The following TTC17 variants were observed in gnomAD, a reference collection of about 807,000 sequenced individuals.
TTC17 encodes tetratricopeptide repeat domain 17.
TTC17 carries 58 observed loss-of-function variants against 143.8 expected under a neutral mutation model. That is an observed-to-expected ratio of 0.40 (90% CI 0.33 to 0.50). The LOEUF is 0.50. Ranked by LOEUF, TTC17 falls within the 20% of genes least tolerant of loss-of-function variation. TTC17 has a pLI of 0.49. For missense variants in TTC17, 1,273 were observed against 1,392.5 expected, an observed-to-expected ratio of 0.91 and a Z score of 1.37; for synonymous variants, 501 against 497.8, an observed-to-expected ratio of 1.01 and a Z score of -0.09.
At chr11:43,410,003 G>A (rs983812907) in intron 15 of TTC17, among the ~76,000 whole-genome samples, 11 of 151,734 alleles carry the variant, frequency 7.2e-5, no homozygotes, top group Admixed American at 6.6e-4. Flanking sequence ...CACCATGCCC[G>A]GCTAATTTTT....
chr11:43,470,662 C>G (rs1042317603), intron 21 of TTC17, among the ~76,000 whole-genome samples: 1 of 152,194 alleles, frequency 6.6e-6, no homozygotes, highest in Non-Finnish European at 1.5e-5. Context: ...GGCTCACGGA[C>G]GGACTTCCAC....
chr11:43,403,020 T>C (rs1055376846), intron 10 of TTC17, among the ~76,000 whole-genome samples: 1 of 152,158 alleles, frequency 6.6e-6, no homozygotes, highest in African/African-American at 2.4e-5. Context: ...AAAAGCTTCC[T>C]ATGAGTATTG....
chr11:43,366,293 T>G (rs994966478), intron 1 of TTC17, among the ~76,000 whole-genome samples: 24 of 152,186 alleles, frequency 1.6e-4, no homozygotes, highest in African/African-American at 5.5e-4. Flanking sequence ...TTTATTTAAT[T>G]AAAAATTTTG....
intron 21 of TTC17, among the ~76,000 whole-genome samples, chr11:43,474,914 G>A (rs751972697): frequency 1.6e-4 from 24 of 152,144 alleles, no homozygotes; most frequent in Admixed American, 2.6e-4. Flanking sequence ...TCATCTTGAA[G>A]GTCTTCATTC....
At chr11:43,417,092 T>C (rs1388769676) in intron 16 of TTC17, among the ~76,000 whole-genome samples, 2 of 152,210 alleles carry the variant, frequency 1.3e-5, no homozygotes, top group African/African-American at 2.4e-5. Flanking sequence ...TATTGTGTTT[T>C]TCTTTGACAA....
intron 16 of TTC17, among the ~76,000 whole-genome samples, chr11:43,420,127 G>T (rs971788747): frequency 4.6e-5 from 7 of 152,228 alleles, no homozygotes; most frequent in African/African-American, 1.7e-4. Context: ...ATAGGAAAAA[G>T]AATTTTTGTA....
chr11:43,453,451 G>A (rs1947703781), intron 21 of TTC17, among the ~76,000 whole-genome samples: 1 of 152,022 alleles, frequency 6.6e-6, no homozygotes. Flanking sequence ...AGACAATGGA[G>A]TAACATATTT....
chr11:43,425,816 T>C (rs1447818487), intron 16 of TTC17, among the ~76,000 whole-genome samples: 1 of 152,210 alleles, frequency 6.6e-6, no homozygotes, highest in East Asian at 1.9e-4. Flanking sequence ...ATCTCAAAGA[T>C]GCAGGAGAAA....
chr11:43,397,094 A>C (rs1376745189), intron 6 of TTC17: 1 of 479,956 alleles, frequency 2.1e-6, no homozygotes, highest in Non-Finnish European at 3.7e-6. Context: ...TCATAAACTA[A>C]GTTTAACTTT....
At chr11:43,388,865 A>G (rs986899999) in intron 2 of TTC17, among the ~76,000 whole-genome samples, 2 of 151,560 alleles carry the variant, frequency 1.3e-5, no homozygotes, top group Admixed American at 6.6e-5. Context: ...AGTCCCAGCT[A>G]TTTAGGGGGC....
At chr11:43,439,240 C>T (rs1484373916) in intron 16 of TTC17, among the ~76,000 whole-genome samples, 2 of 152,172 alleles carry the variant, frequency 1.3e-5, no homozygotes, top group Non-Finnish European at 2.9e-5. Flanking sequence ...ATATCAGCTA[C>T]TCTTCCTGCC....
At chr11:43,423,251 G>C (rs193266753) in intron 16 of TTC17, among the ~76,000 whole-genome samples, 3 of 152,260 alleles carry the variant, frequency 2.0e-5, no homozygotes, top group Admixed American at 2.0e-4. Flanking sequence ...TAACTAGAGA[G>C]GTTTCTAACT....
intron 1 of TTC17, among the ~76,000 whole-genome samples, chr11:43,362,149 TTGTGTGTGTGTGTGTG>T (rs3978779): frequency 0.045 from 6,219 of 138,132 alleles, 380 homozygotes; most frequent in Admixed American, 0.19. Context: ...CCCGGCTAAT[TTGTGTGTGTGTGTGTG>T]TGTGTGTGTG....
chr11:43,407,311 A>G, intron 14 of TTC17, 42 bp from the exon 15 acceptor site: 2 of 1,596,730 alleles, frequency 1.3e-6, no homozygotes, highest in Non-Finnish European at 1.7e-6. Flanking sequence ...TAGAACAAGT[A>G]CTGTATTCTT....
At chr11:43,389,138 CAAA>C (rs543812399) in intron 2 of TTC17, among the ~76,000 whole-genome samples, 2 of 109,084 alleles carry the variant, frequency 1.8e-5, no homozygotes. Context: ...GACACTGTCT[CAAA>C]AAAAAAAAAA....
chr11:43,370,780 TAAAG>T (rs1035934220), intron 1 of TTC17, among the ~76,000 whole-genome samples: 20 of 147,754 alleles, frequency 1.4e-4, no homozygotes, highest in African/African-American at 2.6e-4. Flanking sequence ...GTCAGATAGT[TAAAG>T]AGAGGGGGCA....
rs188572437 is a variant in TTC17, at chr11:43,479,793, T to C, written c.3031-10446T>C. On this transcript the variant is annotated intron_variant, in intron 21 of 23. Coordinates refer to ENST00000039989, the MANE Select transcript of TTC17 (RefSeq NM_018259.6). ...GTAGGGAACAGCTCCCACCTCTAGGTGTGGAAAAGGGCAGCAAGTGATTAG... is the reference window on the plus strand; with the variant it reads ...GTAGGGAACAGCTCCCACCTCTAGGCGTGGAAAAGGGCAGCAAGTGATTAG... Among the ~76,000 whole-genome samples the C allele has an allele frequency of 3.4e-3, 510 of 151,966 alleles. 7 individuals carry two copies. Among genetic ancestry groups the C allele is most frequent in the African/African-American group, 0.012 (485 of 41,430 alleles).
At chr11:43,392,171 C>G (rs1857416010) in intron 5 of TTC17, among the ~76,000 whole-genome samples, 1 of 152,120 alleles carries the variant, frequency 6.6e-6, no homozygotes, top group Admixed American at 6.5e-5. Context: ...AAAGTTTTAT[C>G]TAAACTGATG....
At chr11:43,375,764 A>T (rs1023556931) in intron 1 of TTC17, among the ~76,000 whole-genome samples, 12 of 152,220 alleles carry the variant, frequency 7.9e-5, no homozygotes, top group African/African-American at 2.9e-4. Flanking sequence ...TTAAAAAGTG[A>T]TTGACTCAAA....
Sources: allele counts gnomAD v4.1 joint callset (sites outside exome capture counted in the v4.1 genomes callset), GRCh38; gene constraint gnomAD v4.1.1; transcripts MANE v1.5; gene names NCBI Gene and HGNC (gene_info 2026-07-23, HGNC 2026-07-21).